The following PLXNA1 variants were observed in gnomAD, a reference collection of about 807,000 sequenced individuals.
PLXNA1 encodes the protein plexin A1, also known as plexin-A1.
PLXNA1 carries 77 observed loss-of-function variants against 191.7 expected under a neutral mutation model. That is an observed-to-expected ratio of 0.40 (90% CI 0.33 to 0.49). The LOEUF is 0.49. Ranked by LOEUF, PLXNA1 falls within the 20% of genes least tolerant of loss-of-function variation. PLXNA1 has a pLI of 0.63. For missense variants in PLXNA1, 2,110 were observed against 2,660.2 expected (o/e 0.79, Z 4.55); for synonymous variants, 1,137 against 1,156.4 (o/e 0.98, Z 0.34).
chr3:127,004,202 G>A (rs1391534603), intron 4 of PLXNA1, among the ~76,000 whole-genome samples: 2 of 152,250 alleles, frequency 1.3e-5, no homozygotes, highest in Non-Finnish European at 2.9e-5. Flanking sequence ...GAGCCAAGGA[G>A]CCAGAGTGAG....
chr3:126,991,493 C>G lies in PLXNA1; in HGVS notation c.1304C>G (p.Thr435Ser). The change falls in exon 3 of 32, where the codon ACC (threonine) becomes AGC (serine). Residue 435 changes from threonine (T) to serine (S), a missense_variant. By Grantham distance (58) the Thr-to-Ser change is moderately conservative. This residue lies in a region of PLXNA1 where 903 missense variants were observed against 1,015.7 expected (regional missense o/e 0.89). Coordinates refer to ENST00000393409, the MANE Select transcript of PLXNA1 (RefSeq NM_032242.4). ...PLFVDKDDGL[T>S]AVAAYDYRGR... ...TTCGTGGACAAGGATGATGGCCTGA[C>G]CGCCGTGGCTGCCTATGACTATCGG... The G allele has an allele frequency of 6.2e-7, 1 of 1,612,568 alleles. No homozygotes were observed. Among genetic ancestry groups the G allele is most frequent in the Middle Eastern group, 1.7e-4 (1 of 6,046 alleles).
At position 127,032,741 on chromosome 3, in the gene PLXNA1, T is replaced by C. The variant is rs2079218380; in HGVS notation, c.5500T>C (p.Tyr1834His). The change falls in exon 31 of 32, where the codon TAT becomes CAT. Residue 1834 changes from tyrosine (Y) to histidine (H), a missense_variant. Transcript: ENST00000393409. The stretch of plus-strand genomic sequence containing the variant: ...CATCAGCGACCAGGACATGAGTGCG[T>C]ATCTGGCTGAGCAGTCCCGCCTGCA... ...PAISDQDMSA[Y>H]LAEQSRLHLS... 6.2e-7 allele frequency: 1 copy of C among 1,613,284 alleles called. No individual in the cohort carries two copies. The highest frequency in any genetic ancestry group is 1.3e-5 in the African/African-American group (1 of 74,926).
intron 7 of PLXNA1, 69 bp downstream of exon 7, chr3:127,005,312 G>A: frequency 6.6e-7 from 1 of 1,510,308 alleles, no homozygotes; most frequent in Non-Finnish European, 8.9e-7. Context: ...GTTGCCGCCT[G>A]TTTAGCGCCT....
chr3:126,995,195 C>A (rs1181980333), intron 3 of PLXNA1, among the ~76,000 whole-genome samples: 1 of 152,182 alleles, frequency 6.6e-6, no homozygotes, highest in Admixed American at 6.5e-5. Flanking sequence ...GTGCCCCTGT[C>A]CCCCCTCCTT....
At chr3:127,005,409 G>A (rs952174835) in intron 7 of PLXNA1, among the ~76,000 whole-genome samples, 166 bp downstream of exon 7, 7 of 152,200 alleles carry the variant, frequency 4.6e-5, no homozygotes, top group Admixed American at 3.3e-4. Flanking sequence ...TGGGAGTGGA[G>A]AAAACCCTCC....
At chr3:127,012,203 G>GCCGGTTAT in intron 10 of PLXNA1, 45 bp downstream of exon 10, 1 of 1,584,364 alleles carries the variant, frequency 6.3e-7, no homozygotes, top group Non-Finnish European at 8.6e-7. Flanking sequence ...GCCGGAATGG[G>GCCGGTTAT]CCGGTTATCC....
At chr3:126,991,325 G>A in intron 2 of PLXNA1, 59 bp from the exon 3 acceptor site, 1 of 1,587,180 alleles carries the variant, frequency 6.3e-7, no homozygotes, top group Non-Finnish European at 8.6e-7. Context: ...GCCCAGGGAG[G>A]CCCAGTCCTC....
chr3:127,021,928 C>T (rs886623473), intron 21 of PLXNA1, among the ~76,000 whole-genome samples, 157 bp from the exon 22 acceptor site: 5 of 152,182 alleles, frequency 3.3e-5, no homozygotes, highest in African/African-American at 7.2e-5. Context: ...AATGACCCGC[C>T]GAGCTGAGGA....
chr3:127,013,131 C>T (rs556408333), intron 10 of PLXNA1, among the ~76,000 whole-genome samples: 2 of 152,262 alleles, frequency 1.3e-5, no homozygotes, highest in Non-Finnish European at 2.9e-5. Context: ...TGCAGGTCAG[C>T]CATGAGGATC....
At chr3:127,027,627 G>T (rs1022152569) in intron 23 of PLXNA1, 14 of 515,770 alleles carry the variant, frequency 2.7e-5, no homozygotes, top group Non-Finnish European at 4.5e-5. Context: ...GGTGAAATAG[G>T]CCTCGGCCCT....
chr3:127,004,570 T>C (rs1185836528), intron 4 of PLXNA1, 41 bp from the exon 5 acceptor site: 2 of 1,426,382 alleles, frequency 1.4e-6, no homozygotes, highest in Non-Finnish European at 1.9e-6. Flanking sequence ...CAAGGACCCC[T>C]GGGGTGGTAC....
chr3:127,011,890 G>T, intron 9 of PLXNA1, 68 bp from the exon 10 acceptor site: 1 of 1,417,986 alleles, frequency 7.1e-7, no homozygotes. Context: ...CACATCTGGA[G>T]CGTAGTGGGG....
At chr3:126,991,661 T>C (rs1353906682) in intron 3 of PLXNA1, 95 bp downstream of exon 3, 15 of 1,302,118 alleles carry the variant, frequency 1.2e-5, no homozygotes, top group Non-Finnish European at 1.4e-5. Context: ...TGCTGTATGC[T>C]GTGGGAGGCT....
Position 127,029,401 on chromosome 3 carries a change from C to A in PLXNA1, c.4774-39C>A, listed in dbSNP as rs760191129. 5 of 1,597,322 alleles carry A rather than the reference C, an allele frequency of 3.1e-6. No homozygotes were observed. In the African/African-American group the frequency reaches 4.0e-5, roughly 13 times the overall value. On this transcript the variant is annotated intron_variant, in intron 26 of 31. Transcript: ENST00000393409. ...GTGGGAGCCTGGTGGTGCAGGGGCA[C>A]CCTGGTGGGTCACAGGGTCCCTGGC...
At chr3:127,030,167 A>C (rs1482012113) in intron 28 of PLXNA1, 76 bp from the exon 29 acceptor site, 8 of 1,589,722 alleles carry the variant, frequency 5.0e-6, no homozygotes, top group African/African-American at 1.3e-5. Flanking sequence ...TCCCATGGCC[A>C]CTTGCCTAGT....
chr3:126,995,969 C>T (rs1344244926), intron 3 of PLXNA1, among the ~76,000 whole-genome samples: 1 of 152,218 alleles, frequency 6.6e-6, no homozygotes, highest in Non-Finnish European at 1.5e-5. Context: ...CTGCAGTTCC[C>T]TGTGTGCGTC....
chr3:127,017,861 C>A lies in PLXNA1; in HGVS notation c.3629C>A (p.Ala1210Glu), dbSNP rs758654359. ...TCGGAGACGCAACTGCTGTGCGAGG[C>A]GCCCAACCTCACTGGGCAGCACAAG... ...TVSETQLLCE[A>E]PNLTGQHKVT... Residue 1210 changes from alanine (A) to glutamate (E), a missense_variant, in exon 19 of 32, where the codon GCG becomes GAG. Physicochemically the swap from Ala to Glu is moderately radical, Grantham distance 107. Coordinates refer to ENST00000393409, the MANE Select transcript of PLXNA1 (RefSeq NM_032242.4). 1 of 1,612,666 alleles carries A rather than the reference C, an allele frequency of 6.2e-7. No individual in the cohort carries two copies.
Position 127,014,166 on chromosome 3 carries a change from G to C in PLXNA1, c.2411-16G>C, listed in dbSNP as rs751146476. On this transcript the variant is annotated splice_polypyrimidine_tract_variant and intron_variant, in intron 11 of 31. Coordinates refer to ENST00000393409, the MANE Select transcript of PLXNA1 (RefSeq NM_032242.4). ...GGCAGTGGGCGGGCCCGAGCTGACC[G>C]CACCCCTCCCCACAGCGCACCTCTA... 1 of 1,611,798 alleles carries C rather than the reference G, an allele frequency of 6.2e-7. No individual in the cohort carries two copies. The highest frequency in any genetic ancestry group is 1.1e-5 in the South Asian group (1 of 91,020).
At position 127,018,327 on chromosome 3, in the gene PLXNA1, A is replaced by G. The variant is rs760325735; in HGVS notation, c.3694A>G (p.Thr1232Ala). 4.3e-6 allele frequency: 7 copies of G among 1,611,758 alleles called. No homozygotes were observed. Among genetic ancestry groups the G allele is most frequent in the Non-Finnish European group, 5.9e-6 (7 of 1,179,436 alleles). The change falls in exon 20 of 32, where the codon ACA becomes GCA. Residue 1232 changes from threonine to alanine, a missense_variant. By Grantham distance (58) the Thr-to-Ala change is moderately conservative. Coordinates refer to ENST00000393409, the MANE Select transcript of PLXNA1 (RefSeq NM_032242.4). ...AGGTGGCTTCGAGTTCTCGCCAGGG[A>G]CACTGCAGGTGTACTCGGACAGCCT... ...RAGGFEFSPGTLQVYSDSLLT... is the reference protein window; with the variant it reads ...RAGGFEFSPGALQVYSDSLLT...
Sources: allele counts gnomAD v4.1 joint callset (sites outside exome capture counted in the v4.1 genomes callset), GRCh38; gene constraint gnomAD v4.1.1; regional missense constraint gnomAD v4.1.1; transcripts MANE v1.5; gene names NCBI Gene and HGNC (gene_info 2026-07-23, HGNC 2026-07-21).